EPHB1: variants seen among roughly 807,000 people sequenced by gnomAD.
The protein encoded by EPHB1 is ephrin type-B receptor 1.
Under a neutral mutation model 94.4 loss-of-function variants are expected in EPHB1, and 30 were observed. That is an observed-to-expected ratio of 0.32 (90% CI 0.24 to 0.43). EPHB1 has a LOEUF of 0.43. EPHB1 is among the 20% of genes least tolerant of loss of function. EPHB1 has a pLI of 1.00. For synonymous variants in EPHB1, 522 were observed against 489.1 expected, an observed-to-expected ratio of 1.07 and a Z score of -0.89; for missense variants, 1,055 against 1,308.3, an observed-to-expected ratio of 0.81 and a Z score of 2.99.
intron 1 of EPHB1, among the ~76,000 whole-genome samples, chr3:134,873,464 G>A (rs889767351): frequency 6.6e-6 from 1 of 152,224 alleles, no homozygotes. Context: ...GCTGACAACT[G>A]TAATTGTCTT....
chr3:134,976,522 G>A (rs1193614073), intron 3 of EPHB1, among the ~76,000 whole-genome samples: 1 of 152,140 alleles, frequency 6.6e-6, no homozygotes, highest in Non-Finnish European at 1.5e-5. Context: ...TGTCTTGTTT[G>A]GTTTGAAACA....
chr3:135,053,013 ATGTGTGTGTG>A lies in EPHB1; in HGVS notation c.806-53429_806-53420del, dbSNP rs369600482. ...TGTATATATATGTGTGTGTATATAT[ATGTGTGTGTG>A]TGTGTATATATATATATATATATAT... On this transcript the variant is annotated intron_variant, in intron 3 of 15. Coordinates refer to ENST00000398015, the MANE Select transcript of EPHB1 (RefSeq NM_004441.5). 2.2e-3 allele frequency among the ~76,000 whole-genome samples: 157 copies of A among 71,680 alleles called. 1 individual carries two copies. The highest frequency in any genetic ancestry group is 0.01 in the South Asian group (21 of 2,052). The allele number at this position is 71,680 out of a possible 152,430, so 47.0% of individuals were successfully genotyped here.
intron 4 of EPHB1, among the ~76,000 whole-genome samples, chr3:135,111,414 C>A (rs553613338): frequency 6.6e-6 from 1 of 152,250 alleles, no homozygotes; most frequent in South Asian, 2.1e-4. Flanking sequence ...CTGTCCTTTG[C>A]TTTATGACTT....
chr3:135,129,453 G>T (rs559022373), intron 4 of EPHB1, among the ~76,000 whole-genome samples: 4 of 152,304 alleles, frequency 2.6e-5, no homozygotes, highest in African/African-American at 7.2e-5. Flanking sequence ...CCTCTCCAAG[G>T]CCCCTCCATC....
At chr3:135,004,017 A>G (rs973222130) in intron 3 of EPHB1, among the ~76,000 whole-genome samples, 5 of 148,610 alleles carry the variant, frequency 3.4e-5, no homozygotes, top group Non-Finnish European at 6.0e-5. Flanking sequence ...TTAGCTGGTT[A>G]TTTTGCTTGT....
At chr3:135,065,303 T>C (rs1287935026) in intron 3 of EPHB1, among the ~76,000 whole-genome samples, 5 of 152,220 alleles carry the variant, frequency 3.3e-5, no homozygotes, top group African/African-American at 9.6e-5. Flanking sequence ...CAGTGGACTA[T>C]TGAAGTCCCA....
intron 1 of EPHB1, among the ~76,000 whole-genome samples, chr3:134,873,150 T>G (rs2037538504): frequency 6.6e-6 from 1 of 152,090 alleles, no homozygotes; most frequent in South Asian, 2.1e-4. Flanking sequence ...GATTGAGAGA[T>G]CATGCACAAG....
At chr3:134,815,378 A>G (rs2036250798) in intron 1 of EPHB1, among the ~76,000 whole-genome samples, 1 of 151,902 alleles carries the variant, frequency 6.6e-6, no homozygotes, top group African/African-American at 2.4e-5. Flanking sequence ...GAATGTGTGT[A>G]TATAATATAA....
chr3:134,865,742 A>T (rs1442287568), intron 1 of EPHB1, among the ~76,000 whole-genome samples: 2 of 152,136 alleles, frequency 1.3e-5, no homozygotes, highest in East Asian at 3.8e-4. Flanking sequence ...AACAAGCAAG[A>T]TGCAAAACAG....
chr3:134,865,935 C>A (rs7651593), intron 1 of EPHB1, among the ~76,000 whole-genome samples: 131,851 of 152,284 alleles, frequency 0.87, 57,330 homozygotes, highest in East Asian at 0.96. Flanking sequence ...TAAGAAGCTA[C>A]GTTATCTGGA....
chr3:135,226,747 G>A (rs908563194), intron 12 of EPHB1, among the ~76,000 whole-genome samples: 3 of 151,668 alleles, frequency 2.0e-5, no homozygotes, highest in African/African-American at 7.3e-5. Context: ...CCTATCTGAA[G>A]AAAGAAATCT....
At chr3:135,191,666 T>C (rs377175087) in intron 10 of EPHB1, among the ~76,000 whole-genome samples, 1 of 151,648 alleles carries the variant, frequency 6.6e-6, no homozygotes, top group Admixed American at 6.6e-5. Context: ...AGCTATGAAA[T>C]AATGTCACCA....
At position 135,192,766 on chromosome 3, in the gene EPHB1, G is replaced by A. The variant is rs752748350; in HGVS notation, c.2073G>A (p.Arg691=). The change falls in exon 11 of 16, where the codon CGG becomes CGA. Residue 691 remains arginine, a synonymous_variant. Coordinates refer to ENST00000398015, the MANE Select transcript of EPHB1 (RefSeq NM_004441.5). ...IRLEGVVTKS[R]PVMIITEFME... ...TGGAGGGTGTGGTCACCAAGAGTCG[G>A]CCTGTCATGATCATCACAGAGTTCA... The A allele has an allele frequency of 1.9e-6, 3 of 1,614,146 alleles. No individual in the cohort carries two copies. Among genetic ancestry groups the A allele is most frequent in the East Asian group, 4.5e-5 (2 of 44,876 alleles).
chr3:135,185,315 T>C (rs1942300507), intron 10 of EPHB1, among the ~76,000 whole-genome samples: 1 of 152,194 alleles, frequency 6.6e-6, no homozygotes, highest in African/African-American at 2.4e-5. Context: ...AGTTTGACAG[T>C]CCTGGGGTCA....
At chr3:135,121,706 A>G (rs1939967581) in intron 4 of EPHB1, among the ~76,000 whole-genome samples, 1 of 151,896 alleles carries the variant, frequency 6.6e-6, no homozygotes, top group South Asian at 2.1e-4. Context: ...GGCCTGGGAG[A>G]ACCTATACAG....
chr3:134,937,477 T>G (rs2039025978), intron 2 of EPHB1, among the ~76,000 whole-genome samples: 1 of 152,226 alleles, frequency 6.6e-6, no homozygotes, highest in African/African-American at 2.4e-5. Context: ...CTGGCTCTCT[T>G]GTTTCCAAGA....
At chr3:135,075,717 C>G (rs1477270823) in intron 3 of EPHB1, among the ~76,000 whole-genome samples, 1 of 152,170 alleles carries the variant, frequency 6.6e-6, no homozygotes, top group African/African-American at 2.4e-5. Context: ...ACTATCCTGC[C>G]TCCACTCCAT....
intron 11 of EPHB1, among the ~76,000 whole-genome samples, chr3:135,198,129 A>G (rs1345871894): frequency 6.6e-6 from 1 of 152,162 alleles, no homozygotes; most frequent in African/African-American, 2.4e-5. Context: ...CTAATCCATC[A>G]TGGTTCTTCT....
At chr3:135,108,217 A>T (rs1005632910) in intron 4 of EPHB1, among the ~76,000 whole-genome samples, 1 of 152,204 alleles carries the variant, frequency 6.6e-6, no homozygotes, top group Non-Finnish European at 1.5e-5. Flanking sequence ...CAGTAGTCAC[A>T]TTCATTCACT....
Sources: allele counts gnomAD v4.1 joint callset (sites outside exome capture counted in the v4.1 genomes callset), GRCh38; gene constraint gnomAD v4.1.1; transcripts MANE v1.5; gene names NCBI Gene and HGNC (gene_info 2026-07-23, HGNC 2026-07-21).